The following LRRC72 variants were observed in gnomAD, a reference collection of about 807,000 sequenced individuals.
LRRC72 encodes the protein leucine-rich repeat-containing protein 72.
LRRC72 carries 41 observed loss-of-function variants against 35.8 expected under a neutral mutation model. That is an observed-to-expected ratio of 1.15 (90% CI 0.89 to 1.49). The LOEUF (loss-of-function observed/expected upper bound fraction) is 1.49, where lower values mean the gene tolerates loss of function less well. Among genes scored for constraint, LRRC72 ranks in the 40% most tolerant of loss-of-function variants. The pLI, the probability that LRRC72 is intolerant of heterozygous loss-of-function variation, is 0.00. For missense variants in LRRC72, 389 were observed against 330.7 expected, an observed-to-expected ratio of 1.18 and a Z score of -1.37; for synonymous variants, 118 against 119.2, an observed-to-expected ratio of 0.99 and a Z score of 0.07.
At chr7:16,541,463 A>T (rs956329467) in intron 3 of LRRC72, among the ~76,000 whole-genome samples, 4 of 152,224 alleles carry the variant, frequency 2.6e-5, no homozygotes, top group Admixed American at 2.6e-4. Context: ...ATGGAAAATG[A>T]AAGTGCTTTG....
At chr7:16,567,565 A>C (rs1291926026) in intron 7 of LRRC72, 22 bp downstream of exon 7, 1 of 1,418,186 alleles carries the variant, frequency 7.1e-7, no homozygotes, top group Admixed American at 3.0e-5. Context: ...AAAAAAAAAA[A>C]AAAACAAATT....
chr7:16,544,437 T>C (rs1782409834), intron 3 of LRRC72, among the ~76,000 whole-genome samples: 1 of 152,162 alleles, frequency 6.6e-6, no homozygotes, highest in South Asian at 2.1e-4. Flanking sequence ...CTTTTTGAGA[T>C]CATGTTTTCC....
rs192535792 is a variant in LRRC72 at position 16,574,578 on chromosome 7, C to T, written c.671-5496C>T. On this transcript the variant is annotated intron_variant, in intron 7 of 8. Transcript: ENST00000401542. ...AAACCAAACACTGCATGTTCTCACTCATAAGTGGGAGTTGAACAATGAGAA... is the reference window on the plus strand; with the variant it reads ...AAACCAAACACTGCATGTTCTCACTTATAAGTGGGAGTTGAACAATGAGAA... 2.9e-3 allele frequency among the ~76,000 whole-genome samples: 441 copies of T among 151,998 alleles called. 3 individuals are homozygous for T. The highest frequency in any genetic ancestry group is 6.8e-3 in the Middle Eastern group (2 of 294).
intron 5 of LRRC72, among the ~76,000 whole-genome samples, chr7:16,563,406 C>T (rs1010043382): frequency 6.6e-6 from 1 of 152,036 alleles, no homozygotes; most frequent in South Asian, 2.1e-4. Flanking sequence ...TGCTTAGACT[C>T]AGAATCCCAA....
intron 3 of LRRC72, among the ~76,000 whole-genome samples, chr7:16,540,292 GC>G (rs1782334922): frequency 1.3e-5 from 2 of 152,196 alleles, no homozygotes; most frequent in Non-Finnish European, 2.9e-5. Context: ...ATTGCATGAG[GC>G]CTGTGACCCT....
intron 7 of LRRC72, among the ~76,000 whole-genome samples, chr7:16,570,134 T>C (rs1277683175): frequency 6.6e-6 from 1 of 152,252 alleles, no homozygotes; most frequent in African/African-American, 2.4e-5. Flanking sequence ...GAGATTCTGT[T>C]ACTAGGCAAA....
At chr7:16,559,501 C>T (rs1406354861) in intron 5 of LRRC72, among the ~76,000 whole-genome samples, 2 of 151,872 alleles carry the variant, frequency 1.3e-5, no homozygotes, top group Non-Finnish European at 2.9e-5. Flanking sequence ...TTGTGAAATG[C>T]TATCTATCAC....
intron 2 of LRRC72, among the ~76,000 whole-genome samples, chr7:16,533,980 A>C (rs1233889862): frequency 6.6e-6 from 1 of 152,186 alleles, no homozygotes; most frequent in Non-Finnish European, 1.5e-5. Context: ...TTAAAATACT[A>C]GAAATCTGAG....
chr7:16,555,011 A>G (rs1782626017), intron 3 of LRRC72, among the ~76,000 whole-genome samples: 1 of 152,218 alleles, frequency 6.6e-6, no homozygotes, highest in Admixed American at 6.5e-5. Context: ...GGTGAGAGGA[A>G]GAACAGAAGG....
chr7:16,527,818 G>A (rs1455556262), intron 1 of LRRC72, among the ~76,000 whole-genome samples: 1 of 151,976 alleles, frequency 6.6e-6, no homozygotes, highest in Non-Finnish European at 1.5e-5. Context: ...CATCAGAGAG[G>A]GCATTTTCTT....
rs141184900 is a variant in LRRC72, at chr7:16,552,090, A to G, written c.235-5270A>G. Among the ~76,000 whole-genome samples the G allele has an allele frequency of 6.9e-3, 1,055 of 152,326 alleles. 26 individuals are homozygous for G. The highest frequency in any genetic ancestry group is 0.051 in the Admixed American group (781 of 15,306). On this transcript the variant is annotated intron_variant, in intron 3 of 8. Coordinates refer to ENST00000401542, the MANE Select transcript of LRRC72 (RefSeq NM_001195280.2). Reference sequence around the variant, plus strand: ...GGGAAAAGCCCCACACATTTGGTCAAAAAAAGTCTTCTGTGTTGTGTGTGA... The same window carrying G: ...GGGAAAAGCCCCACACATTTGGTCAGAAAAAGTCTTCTGTGTTGTGTGTGA...
At chr7:16,536,514 A>T (rs1782260215) in intron 2 of LRRC72, among the ~76,000 whole-genome samples, 1 of 152,114 alleles carries the variant, frequency 6.6e-6, no homozygotes, top group Non-Finnish European at 1.5e-5. Context: ...AAAATTATCA[A>T]CCAATAAATA....
At chr7:16,532,387 T>C (rs1468184469) in intron 1 of LRRC72, 108 bp from the exon 2 acceptor site, 1 of 732,988 alleles carries the variant, frequency 1.4e-6, no homozygotes, top group Non-Finnish European at 2.4e-6. Context: ...TACCTCCATA[T>C]TCACCTTTCT....
intron 3 of LRRC72, among the ~76,000 whole-genome samples, chr7:16,553,513 T>C (rs1189041180): frequency 1.3e-5 from 2 of 152,232 alleles, no homozygotes; most frequent in African/African-American, 4.8e-5. Flanking sequence ...CAGCTCATAA[T>C]AAGCACTTAA....
intron 3 of LRRC72, among the ~76,000 whole-genome samples, chr7:16,538,260 G>A (rs1025181155): frequency 2.6e-5 from 4 of 152,178 alleles, no homozygotes; most frequent in Non-Finnish European, 4.4e-5. Flanking sequence ...GCCTTCTCCA[G>A]GTTTGGTATG....
intron 5 of LRRC72, 50 bp from the exon 6 acceptor site, chr7:16,566,263 G>A: frequency 8.2e-7 from 1 of 1,225,922 alleles, no homozygotes; most frequent in Non-Finnish European, 1.1e-6. Flanking sequence ...AGTGATAAGT[G>A]AAACTGATTT....
At chr7:16,527,159 T>A in intron 1 of LRRC72, 117 bp downstream of exon 1, 2 of 748,122 alleles carry the variant, frequency 2.7e-6, no homozygotes, top group Non-Finnish European at 2.2e-6. Context: ...TTCAGTAGCC[T>A]GAAGACGGAG....
At chr7:16,532,949 G>A (rs1056033496) in intron 2 of LRRC72, 16 of 239,982 alleles carry the variant, frequency 6.7e-5, no homozygotes, top group Non-Finnish European at 1.2e-4. Flanking sequence ...GTCCCACATA[G>A]TAGTTGGAAA....
At chr7:16,558,738 T>C in intron 4 of LRRC72, 151 bp from the exon 5 acceptor site, 1 of 282,590 alleles carries the variant, frequency 3.5e-6, no homozygotes, top group Non-Finnish European at 6.7e-6. Context: ...AATATATTAT[T>C]AATAGTTATT....
Sources: allele counts gnomAD v4.1 joint callset (sites outside exome capture counted in the v4.1 genomes callset), GRCh38; gene constraint gnomAD v4.1.1; transcripts MANE v1.5; gene names NCBI Gene and HGNC (gene_info 2026-07-23, HGNC 2026-07-21).